Variants in PFKFB4 observed in about 807,000 individuals in gnomAD.
The protein encoded by PFKFB4 is 6-phosphofructo-2-kinase/fructose-2,6-bisphosphatase 4.
PFKFB4 carries 42 observed loss-of-function variants against 62.8 expected under a neutral mutation model. The ratio of observed to expected loss-of-function variants is 0.67; its 90% CI spans 0.52 to 0.86. The LOEUF is 0.86. PFKFB4 is among the 40% of genes least tolerant of loss of function. PFKFB4 has a pLI of 0.00. For synonymous variants in PFKFB4, 204 were observed against 240.7 expected (o/e 0.85, Z 1.41); for missense variants, 475 against 627.2 (o/e 0.76, Z 2.59).
At chr3:48,520,784 C>A (rs2042073565) in intron 13 of PFKFB4, among the ~76,000 whole-genome samples, 1 of 152,218 alleles carries the variant, frequency 6.6e-6, no homozygotes, top group South Asian at 2.1e-4. Flanking sequence ...GAATGACCGC[C>A]AGCCACACTA....
rs2043073043 is a variant in PFKFB4, at chr3:48,549,736, G to A, written c.311+128C>T. On this transcript the variant is annotated intron_variant, in intron 3 of 13. Coordinates refer to ENST00000232375, the MANE Select transcript of PFKFB4 (RefSeq NM_004567.4). ...AGGGCTGGGCAAGGCCAGGGCTCAGGAGTAGCTCAGTCATTCACCAGCAGC... is the reference window on the plus strand; with the variant it reads ...AGGGCTGGGCAAGGCCAGGGCTCAGAAGTAGCTCAGTCATTCACCAGCAGC... The A allele has an allele frequency of 1.4e-5, 10 of 693,852 alleles. No homozygotes were observed. In the Admixed American group the frequency reaches 2.0e-4, roughly 14 times the overall value. 43.0% of individuals were successfully genotyped at this position (693,852 alleles called of 1,614,324 possible).
chr3:48,551,423 T>C, intron 1 of PFKFB4, among the ~76,000 whole-genome samples: 1 of 146,936 alleles, frequency 6.8e-6, no homozygotes, highest in Non-Finnish European at 1.5e-5. Context: ...GGCATGTTGG[T>C]CAGGCTGGTC....
chr3:48,534,883 A>T (rs2107516943), intron 9 of PFKFB4, among the ~76,000 whole-genome samples: 1 of 151,464 alleles, frequency 6.6e-6, no homozygotes, highest in African/African-American at 2.4e-5. Flanking sequence ...ATCTCAGCCC[A>T]CTGCAACCTC....
chr3:48,531,020 C>T (rs1457113699), intron 9 of PFKFB4, among the ~76,000 whole-genome samples: 1 of 150,988 alleles, frequency 6.6e-6, no homozygotes, highest in Non-Finnish European at 1.5e-5. Context: ...GCTCTTTATT[C>T]TAAAGAAAAT....
chr3:48,535,236 T>C (rs1326996460), intron 9 of PFKFB4, among the ~76,000 whole-genome samples: 1 of 152,156 alleles, frequency 6.6e-6, no homozygotes, highest in African/African-American at 2.4e-5. Context: ...CTTGTTGAGC[T>C]AGACCATGAG....
At chr3:48,529,098 C>A (rs1575363275) in intron 9 of PFKFB4, among the ~76,000 whole-genome samples, 1 of 152,038 alleles carries the variant, frequency 6.6e-6, no homozygotes, top group South Asian at 2.1e-4. Context: ...AGTGTAATGG[C>A]ACGATCTCAG....
At chr3:48,549,432 C>T (rs1169058704) in intron 3 of PFKFB4, among the ~76,000 whole-genome samples, 1 of 152,164 alleles carries the variant, frequency 6.6e-6, no homozygotes, top group Non-Finnish European at 1.5e-5. Context: ...ACTCAGGTTC[C>T]CTTCCCCAGC....
upstream of PFKFB4, among the ~76,000 whole-genome samples, chr3:48,558,737 G>C (rs181444055): frequency 6.6e-6 from 1 of 152,318 alleles, no homozygotes; most frequent in East Asian, 1.9e-4. Flanking sequence ...TCCTTTTGCA[G>C]TATCTACCCG....
chr3:48,559,148 G>A (rs145155405), upstream of PFKFB4, among the ~76,000 whole-genome samples: 31 of 152,292 alleles, frequency 2.0e-4, no homozygotes, highest in Middle Eastern at 3.4e-3. Context: ...CAGACAGGAT[G>A]AGCCTGGTTC....
At chr3:48,558,712 C>T (rs529710347), upstream of PFKFB4, among the ~76,000 whole-genome samples, 3 of 152,338 alleles carry the variant, frequency 2.0e-5, no homozygotes, top group South Asian at 6.2e-4. Context: ...TCAACAACTT[C>T]CTCCTTCCTC....
intron 3 of PFKFB4, among the ~76,000 whole-genome samples, chr3:48,549,383 AC>A (rs146194859): frequency 7.2e-4 from 109 of 151,928 alleles, no homozygotes; most frequent in Non-Finnish European, 1.0e-3. Flanking sequence ...GAAGCCCCCC[AC>A]CCCCAGCTCC....
upstream of PFKFB4, among the ~76,000 whole-genome samples, chr3:48,559,075 G>A (rs1326504365): frequency 6.6e-6 from 1 of 152,220 alleles, no homozygotes; most frequent in Non-Finnish European, 1.5e-5. Flanking sequence ...CAAGGGCTGG[G>A]GGTAGAGGAC....
At chr3:48,546,764 C>T (rs1054401387) in intron 3 of PFKFB4, among the ~76,000 whole-genome samples, 1 of 152,240 alleles carries the variant, frequency 6.6e-6, no homozygotes, top group Admixed American at 6.5e-5. Flanking sequence ...ATCTGCTTTC[C>T]TTCTGGGAGT....
At chr3:48,556,825 G>A (rs906587251), upstream of PFKFB4, 7 of 1,536,388 alleles carry the variant, frequency 4.6e-6, no homozygotes, top group Middle Eastern at 5.1e-4. The surrounding 1 kb of genome is among the most constrained non-coding windows in gnomAD (Gnocchi z 5.7). Flanking sequence ...CCCAGCAGCC[G>A]GGCCACCTCG....
intron 1 of PFKFB4, among the ~76,000 whole-genome samples, chr3:48,555,684 C>T (rs999654602): frequency 4.6e-5 from 7 of 152,080 alleles, no homozygotes; most frequent in African/African-American, 1.7e-4. Context: ...CCACTTGAAG[C>T]CATGAGTTGG....
intron 5 of PFKFB4, 52 bp downstream of exon 5, chr3:48,539,645 G>T: frequency 1.4e-6 from 2 of 1,448,586 alleles, no homozygotes; most frequent in Non-Finnish European, 9.7e-7. Flanking sequence ...AGCCCTGGAG[G>T]GCAGGGGACA....
chr3:48,556,828 C>G (rs759428006), upstream of PFKFB4: 1 of 1,539,294 alleles, frequency 6.5e-7, no homozygotes, highest in African/African-American at 1.4e-5. This position sits in a 1 kb window ranked among gnomAD's most constrained non-coding sequence, Gnocchi z 5.7. Context: ...AGCAGCCGGG[C>G]CACCTCGGGC....
rs1212011356 is a variant in PFKFB4 at position 48,546,019 on chromosome 3, G to A, written c.312-2373C>T. On this transcript the variant is annotated intron_variant, in intron 3 of 13. Transcript: ENST00000232375. Reference sequence around the variant, plus strand: ...AGAGCCTGGGAGCCTGTGTGTGTGCGTGTGTGTGTGTGTGTATAAGAGAGT... The same window carrying A: ...AGAGCCTGGGAGCCTGTGTGTGTGCATGTGTGTGTGTGTGTATAAGAGAGT... Among the ~76,000 whole-genome samples, 13 of 150,394 alleles carry A rather than the reference G, an allele frequency of 8.6e-5. No individual in the cohort carries two copies. In the East Asian group the frequency reaches 2.2e-3, roughly 25 times the overall value.
chr3:48,523,460 T>C (rs184307497), intron 12 of PFKFB4, 77 bp downstream of exon 12: 3 of 1,376,428 alleles, frequency 2.2e-6, no homozygotes, highest in Non-Finnish European at 3.1e-6. Flanking sequence ...TTTCAAGGAA[T>C]TCGGAGAAAA....
Sources: gnomAD v4.1 joint callset for allele counts (sites outside exome capture counted in the v4.1 genomes callset) on GRCh38, gnomAD v4.1.1 for gene constraint, Gnocchi (gnomAD v3.1) non-coding constraint, MANE v1.5 for transcripts, NCBI Gene and HGNC (gene_info 2026-07-23, HGNC 2026-07-21) for gene names.